The following SIGLEC9 variants were observed in gnomAD, a reference collection of about 807,000 sequenced individuals.
SIGLEC9 encodes sialic acid-binding Ig-like lectin 9.
SIGLEC9 carries 26 observed loss-of-function variants against 38.3 expected under a neutral mutation model. The ratio of observed to expected loss-of-function variants is 0.68; its 90% CI spans 0.50 to 0.94. The LOEUF (loss-of-function observed/expected upper bound fraction) is 0.94, where lower values mean the gene tolerates loss of function less well. SIGLEC9 is among the 40% of genes least tolerant of loss of function. SIGLEC9 has a pLI of 0.00. For missense variants in SIGLEC9, 556 were observed against 585.7 expected (o/e 0.95, Z 0.52); for synonymous variants, 236 against 248.0 (o/e 0.95, Z 0.45).
Position 51,130,100 on chromosome 19 carries a change from T to G in SIGLEC9, c.*21T>G. 6.3e-7 allele frequency: 1 copy of G among 1,584,368 alleles called. No homozygotes were observed. Among genetic ancestry groups the G allele is most frequent in the Non-Finnish European group, 8.6e-7 (1 of 1,163,544 alleles). ...GATGAGAAACTGCAGAGACTCACCC[T>G]GATTGAGGGATCACAGCCCCTCCAG... On this transcript the variant is annotated 3_prime_UTR_variant, in exon 7 of 7. Coordinates refer to ENST00000250360, the MANE Select transcript of SIGLEC9 (RefSeq NM_014441.3).
downstream of SIGLEC9, among the ~76,000 whole-genome samples, chr19:51,135,229 T>C (rs2092036164): frequency 6.6e-6 from 1 of 152,214 alleles, no homozygotes; most frequent in Admixed American, 6.5e-5. Context: ...TTCACTTCTG[T>C]GTTTGGCACT....
downstream of SIGLEC9, among the ~76,000 whole-genome samples, chr19:51,131,484 G>T (rs887879527): frequency 6.6e-6 from 1 of 151,984 alleles, no homozygotes; most frequent in Non-Finnish European, 1.5e-5. Context: ...TACTCGGGAG[G>T]CTGAGGCAGG....
intron 4 of SIGLEC9, 114 bp downstream of exon 4, chr19:51,127,410 G>A (rs972151927): frequency 2.5e-6 from 3 of 1,215,600 alleles, no homozygotes; most frequent in South Asian, 3.1e-5. Context: ...TCTGTGCTCA[G>A]CTGTGAGGTC....
chr19:51,132,632 A>C (rs185542792), downstream of SIGLEC9, among the ~76,000 whole-genome samples: 200 of 152,316 alleles, frequency 1.3e-3, no homozygotes, highest in African/African-American at 4.6e-3. Context: ...GCACTCTTTC[A>C]GAGATGCTGC....
Position 51,128,011 on chromosome 19 carries a change from T to A in SIGLEC9, c.1078T>A (p.Phe360Ile), listed in dbSNP as rs1805061392. 2 of 1,613,992 alleles carry A rather than the reference T, an allele frequency of 1.2e-6. No individual in the cohort carries two copies. Among genetic ancestry groups the A allele is most frequent in the Non-Finnish European group, 1.7e-6 (2 of 1,179,860 alleles). The change falls in exon 5 of 7, where the codon TTC (phenylalanine) becomes ATC (isoleucine). Residue 360 changes from phenylalanine (F) to isoleucine (I), a missense_variant. By Grantham distance (21) the Phe-to-Ile change is conservative. Coordinates refer to ENST00000250360, the MANE Select transcript of SIGLEC9 (RefSeq NM_014441.3). The stretch of plus-strand genomic sequence containing the variant: ...GGGAGCTGGAGCCACAGCCCTGGTC[T>A]TCCTGTCCTTCTGCGTCATCTTCGT... ...VGGAGATALV[F>I]LSFCVIFVVV...
At position 51,127,191 on chromosome 19, in the gene SIGLEC9, G is replaced by GT; in HGVS notation, c.911dup (p.Leu305AlafsTer13). 6.2e-7 allele frequency: 1 copy of GT among 1,614,234 alleles called. No homozygotes were observed. The highest frequency in any genetic ancestry group is 8.5e-7 in the Non-Finnish European group (1 of 1,180,038). ...CCCCTCACAGCCCTCAAACCCGGGG[G>GT]TGCTGGAGCTGCCTTGGGTGCACCT... On this transcript the variant is annotated frameshift_variant, in exon 4 of 7. Coordinates refer to ENST00000250360, the MANE Select transcript of SIGLEC9 (RefSeq NM_014441.3). LOFTEE classifies it high-confidence loss of function.
chr19:51,132,219 G>A (rs781305750), downstream of SIGLEC9, among the ~76,000 whole-genome samples: 4 of 152,124 alleles, frequency 2.6e-5, no homozygotes, highest in African/African-American at 4.8e-5. Context: ...ACTTCCTTTT[G>A]CCTTCCACCA....
chr19:51,129,967 G>T lies in SIGLEC9; in HGVS notation c.1280G>T (p.Gly427Val). The T allele has an allele frequency of 6.2e-7, 1 of 1,613,992 alleles. No individual in the cohort carries two copies. Among genetic ancestry groups the T allele is most frequent in the Non-Finnish European group, 8.5e-7 (1 of 1,179,938 alleles). The change falls in exon 7 of 7, where the codon GGG becomes GTG. Residue 427 changes from glycine (G) to valine (V), a missense_variant. Physicochemically the swap from Gly to Val is moderately radical, Grantham distance 109. Coordinates refer to ENST00000250360, the MANE Select transcript of SIGLEC9 (RefSeq NM_014441.3). ...CCAGCTTCTGCCCGCTCCTCAGTGG[G>T]GGAAGGAGAGCTCCAGTATGCATCC... ...PPPASARSSV[G>V]EGELQYASLS...
downstream of SIGLEC9, among the ~76,000 whole-genome samples, chr19:51,134,454 G>A (rs1362428648): frequency 6.6e-6 from 1 of 152,164 alleles, no homozygotes; most frequent in Non-Finnish European, 1.5e-5. Flanking sequence ...ACTGCGCCCA[G>A]CCAGTCCTAG....
At position 51,125,651 on chromosome 19, in the gene SIGLEC9, C is replaced by T. The variant is rs372939820; in HGVS notation, c.476C>T (p.Pro159Leu). ...CCAGGCACCCTGGAGTCCGGCTGCC[C>T]CCAGAATCTGACCTGCTCTGTGCCC... ...LIPGTLESGC[P>L]QNLTCSVPWA... is the part of the protein sequence containing the mutation. Residue 159 changes from proline (P) to leucine (L), a missense_variant, in exon 2 of 7, where the codon CCC (proline) becomes CTC (leucine). Pro to Leu is a moderately conservative substitution (Grantham distance 98). Coordinates refer to ENST00000250360, the MANE Select transcript of SIGLEC9 (RefSeq NM_014441.3). 3.1e-6 allele frequency: 5 copies of T among 1,613,494 alleles called. No homozygotes were observed. In the African/African-American group the frequency reaches 5.3e-5, roughly 17 times the overall value.
intron 3 of SIGLEC9, among the ~76,000 whole-genome samples, chr19:51,126,441 T>C (rs753623965): frequency 1.3e-5 from 2 of 152,188 alleles, no homozygotes; most frequent in Non-Finnish European, 2.9e-5. Flanking sequence ...TTATTTCTGA[T>C]AGTTCTGATC....
At chr19:51,120,103 A>T (rs964819966), upstream of SIGLEC9, 6 of 154,920 alleles carry the variant, frequency 3.9e-5, no homozygotes, top group African/African-American at 1.4e-4. This position sits in a 1 kb window ranked among gnomAD's most constrained non-coding sequence, Gnocchi z 4.1. Context: ...TACTGCCAAC[A>T]GGATGAAGCC....
Position 51,129,965 on chromosome 19 carries a change from G to T in SIGLEC9, c.1278G>T (p.Val426=), listed in dbSNP as rs770809960. 2.0e-5 allele frequency: 32 copies of T among 1,613,888 alleles called. 1 individual carries two copies. In the Admixed American group the frequency reaches 5.3e-4, roughly 27 times the overall value. ...CCCCAGCTTCTGCCCGCTCCTCAGT[G>T]GGGGAAGGAGAGCTCCAGTATGCAT... is the stretch of plus-strand genomic sequence containing the variant. ...QPPPASARSS[V]GEGELQYASL... Residue 426 remains valine (V), a synonymous_variant, in exon 7 of 7, where the codon GTG becomes GTT. Transcript: ENST00000250360.
Position 51,130,026 on chromosome 19 carries a change from C to G in SIGLEC9, c.1339C>G (p.Arg447Gly). Reference protein sequence around the residue: ...SFQMVKPWDSRGQEATDTEYS... With the variant: ...SFQMVKPWDSGGQEATDTEYS... ...CCAGATGGTGAAGCCTTGGGACTCG[C>G]GGGGACAGGAGGCCACTGACACCGA... is the stretch of plus-strand genomic sequence containing the variant. The change falls in exon 7 of 7, where the codon CGG becomes GGG. Residue 447 changes from arginine to glycine, a missense_variant. By Grantham distance (125) the Arg-to-Gly change is moderately radical (BLOSUM62 -2). Coordinates refer to ENST00000250360, the MANE Select transcript of SIGLEC9 (RefSeq NM_014441.3). 3 of 1,613,790 alleles carry G rather than the reference C, an allele frequency of 1.9e-6. No individual in the cohort carries two copies. The highest frequency in any genetic ancestry group is 2.5e-6 in the Non-Finnish European group (3 of 1,179,894).
intron 5 of SIGLEC9, 98 bp from the exon 6 acceptor site, chr19:51,128,316 C>T: frequency 7.2e-7 from 1 of 1,387,032 alleles, no homozygotes; most frequent in Non-Finnish European, 1.0e-6. Flanking sequence ...CCTCAGTCAC[C>T]CCTGCAGTCC....
rs2091971502 is a variant in SIGLEC9, at chr19:51,125,507, C to T, written c.422-90C>T. ...GGGCTTAGGGTGAAGCGAGTTGGCT[C>T]AGGGCAGGAGCTGGACCAGAGCCTG... On this transcript the variant is annotated intron_variant, in intron 1 of 6. Transcript: ENST00000250360. 5.8e-6 allele frequency: 9 copies of T among 1,562,716 alleles called. 1 individual carries two copies. In the South Asian group the frequency reaches 8.2e-5, roughly 14 times the overall value.
upstream of SIGLEC9, chr19:51,122,797 C>T (rs1438564190): frequency 6.5e-6 from 1 of 152,690 alleles, no homozygotes; most frequent in East Asian, 1.9e-4. This position sits in a 1 kb window ranked among gnomAD's most constrained non-coding sequence, Gnocchi z 4.1. Context: ...ACCTCCCAAC[C>T]CCGCCCGGCT....
chr19:51,136,160 G>A (rs761073779), exon 7 of SIGLEC9: 1 of 703,542 alleles, frequency 1.4e-6, no homozygotes, highest in Non-Finnish European at 2.6e-6. Context: ...GGATGTGTCA[G>A]ATTTCTTTCA....
upstream of SIGLEC9, among the ~76,000 whole-genome samples, chr19:51,123,931 A>G (rs1045406657): frequency 6.6e-6 from 1 of 152,172 alleles, no homozygotes; most frequent in Non-Finnish European, 1.5e-5. Flanking sequence ...AATCCTGCCC[A>G]TCGCGGAGGG....
Sources: allele counts gnomAD v4.1 joint callset (sites outside exome capture counted in the v4.1 genomes callset), GRCh38; gene constraint gnomAD v4.1.1; non-coding constraint Gnocchi (gnomAD v3.1); transcripts MANE v1.5; gene names NCBI Gene and HGNC (gene_info 2026-07-23, HGNC 2026-07-21).